Variants in NCOR1 observed in about 807,000 individuals in gnomAD.
NCOR1 encodes protein phosphatase 1, regulatory subunit 109.
Under a neutral mutation model 288.1 loss-of-function variants are expected in NCOR1, and 63 were observed. That is an observed-to-expected ratio of 0.22 (90% CI 0.18 to 0.27). The LOEUF (loss-of-function observed/expected upper bound fraction) is 0.27, where lower values mean the gene tolerates loss of function less well. Among genes scored for constraint, NCOR1 ranks in the 10% least tolerant of loss-of-function variants. The pLI is 1.00. For synonymous variants in NCOR1, 1,007 were observed against 1,065.9 expected, an observed-to-expected ratio of 0.94 and a Z score of 1.08; for missense variants, 2,397 against 3,019.2, an observed-to-expected ratio of 0.79 and a Z score of 4.83.
intron 18 of NCOR1, among the ~76,000 whole-genome samples, chr17:16,114,143 C>CAAAAAAAAAAAA (rs71353770): frequency 5.6e-5 from 1 of 17,708 alleles, no homozygotes; most frequent in Non-Finnish European, 1.2e-4. Flanking sequence ...TGGCGGCAGG[C>CAAAAAAAAAAAA]AAAAAAAAAA....
At chr17:16,077,439 T>G (rs990250610) in intron 26 of NCOR1, among the ~76,000 whole-genome samples, 9 of 100,722 alleles carry the variant, frequency 8.9e-5, no homozygotes, top group African/African-American at 1.1e-4. Flanking sequence ...AAAGGAAAGG[T>G]AAGGAAAGGG....
At chr17:16,138,391 C>T (rs141110796) in intron 12 of NCOR1, among the ~76,000 whole-genome samples, 179 bp from the exon 13 acceptor site, 1 of 152,142 alleles carries the variant, frequency 6.6e-6, no homozygotes, top group Admixed American at 6.5e-5. Context: ...TCAAGACCAG[C>T]CTGACCAATA....
intron 22 of NCOR1, 79 bp downstream of exon 22, chr17:16,091,784 A>G (rs985363638): frequency 1.3e-6 from 2 of 1,594,650 alleles, no homozygotes; most frequent in Admixed American, 1.7e-5. Flanking sequence ...CAACTTACAA[A>G]GCACAATGGA....
chr17:16,212,657 AAAAC>A (rs909996983), intron 1 of NCOR1, among the ~76,000 whole-genome samples: 6 of 152,230 alleles, frequency 3.9e-5, no homozygotes, highest in East Asian at 1.9e-4. Flanking sequence ...TATTTTTTAA[AAAAC>A]AAACAGCCTG....
chr17:16,115,765 C>CATTG (rs1337040841), intron 18 of NCOR1, among the ~76,000 whole-genome samples: 1 of 152,204 alleles, frequency 6.6e-6, no homozygotes, highest in Non-Finnish European at 1.5e-5. Flanking sequence ...AGCCATTCAA[C>CATTG]AAGTCTCTAG....
At chr17:16,164,241 T>C (rs548780578) in intron 5 of NCOR1, among the ~76,000 whole-genome samples, 413 of 103,786 alleles carry the variant, frequency 4.0e-3, no homozygotes, top group Admixed American at 7.1e-3. Context: ...ACTCCAAATC[T>C]GGAAAAAAAA....
At chr17:16,111,126 T>C (rs1004958066) in intron 18 of NCOR1, among the ~76,000 whole-genome samples, 2 of 152,208 alleles carry the variant, frequency 1.3e-5, no homozygotes, top group African/African-American at 4.8e-5. Flanking sequence ...CTCTCACCAC[T>C]ATCAACCCAT....
At chr17:16,164,197 C>T (rs2081511391) in intron 5 of NCOR1, among the ~76,000 whole-genome samples, 1 of 150,560 alleles carries the variant, frequency 6.6e-6, no homozygotes, top group Admixed American at 6.6e-5. Context: ...GCCAAGATCG[C>T]ACCACTGCAC....
intron 3 of NCOR1, among the ~76,000 whole-genome samples, chr17:16,180,352 A>G (rs178827): frequency 0.6 from 90,569 of 151,870 alleles, 27,861 homozygotes; most frequent in African/African-American, 0.73. Flanking sequence ...TAGCCATTAT[A>G]GAAAACAGTA....
intron 8 of NCOR1, among the ~76,000 whole-genome samples, chr17:16,151,293 C>A (rs1457448756): frequency 6.6e-6 from 1 of 151,726 alleles, no homozygotes; most frequent in Non-Finnish European, 1.5e-5. Flanking sequence ...TTTTCTTATT[C>A]CAAAATCTGC....
intron 40 of NCOR1, among the ~76,000 whole-genome samples, chr17:16,051,585 A>T (rs1236571047): frequency 1.3e-5 from 2 of 152,186 alleles, no homozygotes; most frequent in East Asian, 3.8e-4. Context: ...AACCAAGAGC[A>T]AACAAATCCC....
At chr17:16,179,483 C>A (rs1196421801) in intron 3 of NCOR1, among the ~76,000 whole-genome samples, 1 of 152,108 alleles carries the variant, frequency 6.6e-6, no homozygotes, top group Non-Finnish European at 1.5e-5. Flanking sequence ...TCAAAAACTT[C>A]TCAACAAAGA....
chr17:16,174,890 G>A (rs543065947), intron 3 of NCOR1, among the ~76,000 whole-genome samples: 1 of 152,030 alleles, frequency 6.6e-6, no homozygotes, highest in Non-Finnish European at 1.5e-5. Context: ...TCCACTCCTA[G>A]GTATCTAACT....
intron 1 of NCOR1, among the ~76,000 whole-genome samples, chr17:16,208,419 T>C (rs2091808120): frequency 1.3e-5 from 2 of 151,880 alleles, no homozygotes; most frequent in South Asian, 4.2e-4. Context: ...CAAAATTCCC[T>C]GCATATAAAA....
At chr17:16,178,520 A>AT (rs1270970078) in intron 3 of NCOR1, among the ~76,000 whole-genome samples, 15 of 150,238 alleles carry the variant, frequency 1.0e-4, no homozygotes, top group African/African-American at 3.6e-4. Context: ...AAAAAAAAAA[A>AT]AGAATAGAAT....
chr17:16,199,606 C>T (rs2090484947), intron 1 of NCOR1, among the ~76,000 whole-genome samples: 1 of 152,124 alleles, frequency 6.6e-6, no homozygotes. Context: ...ACATTTGAAA[C>T]CCACTGAAAT....
Position 16,032,089 on chromosome 17 carries a change from G to GTA in NCOR1, c.*205_*206dup, listed in dbSNP as rs1158973204. ...ATTATTATAGTCCACTGAATTGCCT[G>GTA]TATCAAAGGCAGTTTTTTGTTTGTT... On this transcript the variant is annotated 3_prime_UTR_variant, in exon 46 of 46. Coordinates refer to ENST00000268712, the MANE Select transcript of NCOR1 (RefSeq NM_006311.4). 1.9e-6 allele frequency: 1 copy of GTA among 530,618 alleles called. No homozygotes were observed. The highest frequency in any genetic ancestry group is 3.2e-6 in the Non-Finnish European group (1 of 309,082). The allele number at this position is 530,618 out of a possible 1,614,324, so 32.9% of individuals were successfully genotyped here.
intron 2 of NCOR1, among the ~76,000 whole-genome samples, chr17:16,190,727 G>A (rs2088063056): frequency 1.3e-5 from 2 of 152,194 alleles, no homozygotes; most frequent in African/African-American, 2.4e-5. Context: ...ACAGTGTACT[G>A]CAGCTTCCAG....
At chr17:16,109,940 GC>G (rs2069662043) in intron 18 of NCOR1, among the ~76,000 whole-genome samples, 1 of 152,112 alleles carries the variant, frequency 6.6e-6, no homozygotes, top group South Asian at 2.1e-4. Flanking sequence ...CACCATCTTG[GC>G]CAGGCTGGTC....
Sources: gnomAD v4.1 joint callset for allele counts (sites outside exome capture counted in the v4.1 genomes callset) on GRCh38, gnomAD v4.1.1 for gene constraint, MANE v1.5 for transcripts, NCBI Gene and HGNC (gene_info 2026-07-23, HGNC 2026-07-21) for gene names.